Variants in RELN observed in about 807,000 individuals in gnomAD.
RELN encodes reelin.
Under a neutral mutation model 427.6 loss-of-function variants are expected in RELN, and 108 were observed. The ratio of observed to expected loss-of-function variants is 0.25; its 90% CI spans 0.22 to 0.30. The LOEUF (loss-of-function observed/expected upper bound fraction) is 0.30. Among genes scored for constraint, RELN ranks in the 10% least tolerant of loss-of-function variants. The pLI is 1.00. For synonymous variants in RELN, 1,524 were observed against 1,513.4 expected, an observed-to-expected ratio of 1.01 and a Z score of -0.16; for missense variants, 3,715 against 4,302.8, an observed-to-expected ratio of 0.86 and a Z score of 3.82.
At chr7:103,585,367 T>C (rs1379988606) in intron 28 of RELN, among the ~76,000 whole-genome samples, 2 of 151,870 alleles carry the variant, frequency 1.3e-5, no homozygotes. Flanking sequence ...ATAATAAAGG[T>C]GACATTACAA....
intron 3 of RELN, among the ~76,000 whole-genome samples, chr7:103,809,713 T>C (rs927958913): frequency 3.9e-5 from 6 of 152,168 alleles, no homozygotes; most frequent in South Asian, 2.1e-4. Flanking sequence ...ACCATTAACA[T>C]TGTAGATCAT....
chr7:103,550,143 T>C (rs1379861349), intron 41 of RELN, among the ~76,000 whole-genome samples: 1 of 152,214 alleles, frequency 6.6e-6, no homozygotes, highest in East Asian at 1.9e-4. Flanking sequence ...AGCAATCAAT[T>C]TATAAAAGTT....
intron 2 of RELN, among the ~76,000 whole-genome samples, chr7:103,887,770 T>A (rs560579418): frequency 2.0e-5 from 3 of 152,152 alleles, no homozygotes; most frequent in African/African-American, 7.2e-5. Flanking sequence ...GGTGTGTACA[T>A]GGGTGTCTTG....
At chr7:103,483,619 C>T in intron 62 of RELN, 34 bp downstream of exon 62, 1 of 1,601,012 alleles carries the variant, frequency 6.2e-7, no homozygotes, top group Non-Finnish European at 8.6e-7. Flanking sequence ...AGGGATTGTG[C>T]ATGAGACCAT....
chr7:103,561,860 G>A lies in RELN; in HGVS notation c.5304C>T (p.Cys1768=). Residue 1768 remains cysteine (C), a synonymous_variant, in exon 35 of 65, where the codon TGC becomes TGT. Coordinates refer to ENST00000428762, the MANE Select transcript of RELN (RefSeq NM_005045.4). ...TCCCTCGTCCTGAGCACATCCAAGG[G>A]CACCCTGAGGCCAGTACAACATTAT... ...AIDNVVLASG[C]PWMCSGRGIC... The A allele has an allele frequency of 6.2e-7, 1 of 1,612,688 alleles. No individual in the cohort carries two copies. The highest frequency in any genetic ancestry group is 8.5e-7 in the Non-Finnish European group (1 of 1,179,720).
intron 1 of RELN, among the ~76,000 whole-genome samples, chr7:103,926,045 C>A (rs778843342): frequency 9.6e-4 from 145 of 150,352 alleles, no homozygotes; most frequent in Non-Finnish European, 1.9e-3. Context: ...AACAAAGTAA[C>A]TCCTAATAGT....
chr7:103,957,655 C>A (rs1009209517), intron 1 of RELN, among the ~76,000 whole-genome samples: 1 of 152,146 alleles, frequency 6.6e-6, no homozygotes, highest in Non-Finnish European at 1.5e-5. Context: ...GCTCATCCCC[C>A]CTTGTGGCCC....
intron 1 of RELN, among the ~76,000 whole-genome samples, chr7:103,930,641 T>A (rs920692076): frequency 7.2e-5 from 11 of 151,998 alleles, no homozygotes; most frequent in Non-Finnish European, 1.0e-4. Flanking sequence ...ATTTTTAAAA[T>A]TTTTCAGTAT....
intron 6 of RELN, among the ~76,000 whole-genome samples, chr7:103,732,977 T>C (rs1357389882): frequency 6.6e-6 from 1 of 152,132 alleles, no homozygotes. Context: ...GTTTTAGACA[T>C]GAAGTCCTTG....
intron 3 of RELN, among the ~76,000 whole-genome samples, chr7:103,829,388 A>T (rs1793221975): frequency 6.6e-6 from 1 of 151,290 alleles, no homozygotes; most frequent in Non-Finnish European, 1.5e-5. Context: ...TAGGGGATTT[A>T]TATCCAAGAA....
chr7:103,873,748 T>C (rs1794408957), intron 2 of RELN, among the ~76,000 whole-genome samples: 5 of 143,736 alleles, frequency 3.5e-5, no homozygotes, highest in Admixed American at 1.4e-4. Context: ...CAGGACCAGA[T>C]GGATTCACAG....
chr7:103,732,081 T>C (rs1005159180), intron 6 of RELN, among the ~76,000 whole-genome samples: 3 of 152,126 alleles, frequency 2.0e-5, no homozygotes, highest in Non-Finnish European at 2.9e-5. Context: ...GCTTGGAAAC[T>C]GCCTGCTTTT....
intron 13 of RELN, 125 bp from the exon 14 acceptor site, chr7:103,652,884 C>T: frequency 1.2e-6 from 1 of 802,110 alleles, no homozygotes; most frequent in Non-Finnish European, 2.1e-6. Context: ...CAGGACACGT[C>T]CTTTGTGTTG....
At chr7:103,874,285 G>T (rs1794423199) in intron 2 of RELN, among the ~76,000 whole-genome samples, 1 of 125,014 alleles carries the variant, frequency 8.0e-6, no homozygotes, top group Admixed American at 8.1e-5. Context: ...CATTCCCTTT[G>T]AAAACTGGCA....
At chr7:103,876,998 A>G (rs1434465878) in intron 2 of RELN, among the ~76,000 whole-genome samples, 1 of 151,560 alleles carries the variant, frequency 6.6e-6, no homozygotes, top group Non-Finnish European at 1.5e-5. Flanking sequence ...TCACTCCCTC[A>G]CCCCTTCTGG....
chr7:103,513,242 C>CG (rs1340779849), intron 50 of RELN: 1 of 152,232 alleles, frequency 6.6e-6, no homozygotes, highest in African/African-American at 2.4e-5. Context: ...GTATTAGAAA[C>CG]TACTTCTGTA....
chr7:103,489,469 A>T lies in RELN; in HGVS notation c.9763+273T>A, dbSNP rs563924880. Among the ~76,000 whole-genome samples the T allele has an allele frequency of 5.6e-4, 85 of 152,300 alleles. 1 individual carries two copies. The highest frequency in any genetic ancestry group is 2.0e-3 in the African/African-American group (84 of 41,558). ...ATGTGAGGTACTATACCATATCCTGATTTAGCATATCTGGATTTATATGCT... is the reference window on the plus strand; with the variant it reads ...ATGTGAGGTACTATACCATATCCTGTTTTAGCATATCTGGATTTATATGCT... On this transcript the variant is annotated intron_variant, in intron 60 of 64. Transcript: ENST00000428762.
At position 103,636,290 on chromosome 7, in the gene RELN, T is replaced by G; in HGVS notation, c.2248A>C (p.Asn750His). The change falls in exon 18 of 65, where the codon AAC becomes CAC. Residue 750 changes from asparagine (N) to histidine (H), a missense_variant. Asn to His is a moderately conservative substitution (Grantham distance 68). Coordinates refer to ENST00000428762, the MANE Select transcript of RELN (RefSeq NM_005045.4). The stretch of plus-strand genomic sequence containing the variant: ...ATTAGCTGACGCCGCCCATCTTTGT[T>G]GAAAACCAGGGCCTTACCACTGGCC... ...VLASGKALVF[N>H]KDGRRQLITS... The G allele has an allele frequency of 6.2e-7, 1 of 1,614,056 alleles. No homozygotes were observed. The highest frequency in any genetic ancestry group is 8.5e-7 in the Non-Finnish European group (1 of 1,179,990).
chr7:103,989,414 T>C lies in RELN; in HGVS notation c.-58A>G. On this transcript the variant is annotated 5_prime_UTR_variant, in exon 1 of 65. Coordinates refer to ENST00000428762, the MANE Select transcript of RELN (RefSeq NM_005045.4). The surrounding 1 kb of genome is among the most constrained non-coding windows in gnomAD (Gnocchi z 4.9). Reference sequence around the variant, plus strand: ...TACGCGCCGCTCGCTCATTCAGTTTTGGAGACGCCGGGACGGAGGAGCCAC... The same window carrying C: ...TACGCGCCGCTCGCTCATTCAGTTTCGGAGACGCCGGGACGGAGGAGCCAC... 7.4e-7 allele frequency: 1 copy of C among 1,357,666 alleles called. No homozygotes were observed. The allele number at this position is 1,357,666 out of a possible 1,614,324, so 84.1% of individuals were successfully genotyped here.
Sources: gnomAD v4.1 joint callset for allele counts (sites outside exome capture counted in the v4.1 genomes callset) on GRCh38, gnomAD v4.1.1 for gene constraint, Gnocchi (gnomAD v3.1) non-coding constraint, MANE v1.5 for transcripts, NCBI Gene and HGNC (gene_info 2026-07-23, HGNC 2026-07-21) for gene names.